The following COLEC11 variants were observed in gnomAD, a reference collection of about 807,000 sequenced individuals.
The protein encoded by COLEC11 is collectin subfamily member 11, also known as collectin-11.
COLEC11 carries 20 observed loss-of-function variants against 27.3 expected under a neutral mutation model. That is an observed-to-expected ratio of 0.73 (90% CI 0.51 to 1.06). The LOEUF is 1.06. Among genes scored for constraint, COLEC11 ranks in the 50% least tolerant of loss-of-function variants. The probability of loss-of-function intolerance (pLI) is 0.00; values close to 1 mark genes in which losing one functional copy is unlikely to be tolerated. For synonymous variants in COLEC11, 163 were observed against 154.7 expected, an observed-to-expected ratio of 1.05 and a Z score of -0.40; for missense variants, 310 against 383.0, an observed-to-expected ratio of 0.81 and a Z score of 1.59.
intron 1 of COLEC11, among the ~76,000 whole-genome samples, chr2:3,600,300 G>A (rs10183939): frequency 0.81 from 122,295 of 151,394 alleles, 51,072 homozygotes; most frequent in African/African-American, 0.96. Context: ...CACACCTGTA[G>A]TCCCAGCAGC....
chr2:3,619,490 G>T (rs567798773), intron 3 of COLEC11, among the ~76,000 whole-genome samples: 1 of 152,158 alleles, frequency 6.6e-6, no homozygotes, highest in African/African-American at 2.4e-5. Flanking sequence ...ACAACACTGA[G>T]TTTTGTCAAA....
In COLEC11 at chr2:3,619,682, A is replaced by G. The variant is rs943544724; in HGVS notation, c.202+6300A>G. 5.9e-5 allele frequency among the ~76,000 whole-genome samples: 9 copies of G among 152,218 alleles called. No homozygotes were observed. In the South Asian group the frequency reaches 1.2e-3, roughly 21 times the overall value. ...GCTCTGTTGCCCAGGCTGGAGTGCA[A>G]TGGCATGATCTCGGCTCACTGCAAC... On this transcript the variant is annotated intron_variant, in intron 3 of 6. Transcript: ENST00000349077.
At position 3,644,037 on chromosome 2, in the gene COLEC11, G is replaced by A. The variant is rs1277177205; in HGVS notation, c.735G>A (p.Met245Ile). 1 of 1,613,838 alleles carries A rather than the reference G, an allele frequency of 6.2e-7. No individual in the cohort carries two copies. The highest frequency in any genetic ancestry group is 1.7e-5 in the Admixed American group (1 of 60,036). The change falls in exon 7 of 7, where the codon ATG (methionine) becomes ATA (isoleucine). Residue 245 changes from methionine to isoleucine, a missense_variant. Transcript: ENST00000349077. Reference protein sequence around the residue: ...NAYDEEDCVEMVASGGWNDVA... With the variant: ...NAYDEEDCVEIVASGGWNDVA... ...ACGACGAGGAGGACTGCGTGGAGAT[G>A]GTGGCCTCGGGCGGCTGGAACGACG...
At chr2:3,609,905 C>A (rs1302185015) in intron 2 of COLEC11, among the ~76,000 whole-genome samples, 3 of 152,232 alleles carry the variant, frequency 2.0e-5, no homozygotes, top group Non-Finnish European at 4.4e-5. Context: ...TTTAAATGAT[C>A]CTCCTGCCTT....
At chr2:3,598,988 C>G (rs951386259) in intron 1 of COLEC11, among the ~76,000 whole-genome samples, 2 of 152,110 alleles carry the variant, frequency 1.3e-5, no homozygotes, top group Non-Finnish European at 2.9e-5. Context: ...TCCCTTACAT[C>G]GTGACTGAAG....
At chr2:3,595,795 G>A (rs1661800480) in intron 1 of COLEC11, among the ~76,000 whole-genome samples, 1 of 152,186 alleles carries the variant, frequency 6.6e-6, no homozygotes. Context: ...TGGATGCCTT[G>A]CGCTAGGAAC....
intron 3 of COLEC11, among the ~76,000 whole-genome samples, chr2:3,613,775 C>T (rs539852843): frequency 2.0e-5 from 3 of 152,266 alleles, no homozygotes; most frequent in South Asian, 4.2e-4. Context: ...TCTCCTCCTT[C>T]GTAAAGTCGT....
At chr2:3,618,937 G>T (rs1663979148) in intron 3 of COLEC11, among the ~76,000 whole-genome samples, 1 of 152,152 alleles carries the variant, frequency 6.6e-6, no homozygotes, top group Non-Finnish European at 1.5e-5. Flanking sequence ...CAGTCAAGGA[G>T]ATTGTTTCCT....
intron 5 of COLEC11, among the ~76,000 whole-genome samples, chr2:3,643,228 T>G (rs1190578298): frequency 6.6e-6 from 1 of 152,200 alleles, no homozygotes; most frequent in African/African-American, 2.4e-5. Flanking sequence ...CTGGAGAGGT[T>G]TGAAATACAT....
chr2:3,614,143 T>TGG (rs34320034), intron 3 of COLEC11, among the ~76,000 whole-genome samples: 211 of 151,000 alleles, frequency 1.4e-3, no homozygotes, highest in African/African-American at 4.9e-3. Context: ...AATTTTTTTT[T>TGG]GGGGGGTATT....
At chr2:3,641,330 A>G (rs1284984904) in intron 5 of COLEC11, 1 of 1,302,994 alleles carries the variant, frequency 7.7e-7, no homozygotes, top group Non-Finnish European at 1.0e-6. Flanking sequence ...CGCTGAGATC[A>G]GTGTCACTGA....
intron 3 of COLEC11, among the ~76,000 whole-genome samples, chr2:3,618,566 C>G (rs924460509): frequency 2.0e-5 from 3 of 152,168 alleles, no homozygotes; most frequent in African/African-American, 7.2e-5. Flanking sequence ...AGCAAGTATA[C>G]TGGTTTGATT....
rs1292453934 is a variant in COLEC11, at chr2:3,595,123, G to T, written c.-72G>T. On this transcript the variant is annotated 5_prime_UTR_variant, in exon 1 of 7. Coordinates refer to ENST00000349077, the MANE Select transcript of COLEC11 (RefSeq NM_024027.5). ...AGGCGCCTGGGGGCAGTGTCCTCGC[G>T]GGCCAGCGACGGGCAGGACGCCCCG... 1 of 367,458 alleles carries T rather than the reference G, an allele frequency of 2.7e-6. No homozygotes were observed. The highest frequency in any genetic ancestry group is 5.5e-6 in the Non-Finnish European group (1 of 181,102). 22.8% of individuals were successfully genotyped at this position (367,458 alleles called of 1,614,324 possible).
chr2:3,643,649 C>T (rs1005850867), intron 6 of COLEC11, 78 bp from the exon 7 acceptor site: 3 of 1,606,398 alleles, frequency 1.9e-6, no homozygotes, highest in Non-Finnish European at 2.6e-6. Context: ...CCCTGCCGGC[C>T]CCTGCTGCCT....
At position 3,604,422 on chromosome 2, in the gene COLEC11, G is replaced by A. The variant is rs760454180; in HGVS notation, c.82G>A (p.Ala28Thr). Residue 28 changes from alanine to threonine, a missense_variant, in exon 2 of 7, where the codon GCT becomes ACT. Coordinates refer to ENST00000349077, the MANE Select transcript of COLEC11 (RefSeq NM_024027.5). ...SLLPSGHPQP[A>T]GDDACSVQIL... ...GCTGCCATCTGGACATCCTCAGCCGGCTGGCGATGACGCCTGCTCTGTGCA... is the reference window on the plus strand; with the variant it reads ...GCTGCCATCTGGACATCCTCAGCCGACTGGCGATGACGCCTGCTCTGTGCA... 105 of 1,614,086 alleles carry A rather than the reference G, an allele frequency of 6.5e-5. 2 individuals are homozygous for A. The East Asian group carries it at 2.3e-3, about 35-fold the overall frequency.
At chr2:3,616,745 T>C (rs537058386) in intron 3 of COLEC11, among the ~76,000 whole-genome samples, 3,594 of 150,762 alleles carry the variant, frequency 0.024, 152 homozygotes, top group African/African-American at 0.081. Context: ...AAGAGGGAGA[T>C]CGTGGAAAGA....
Position 3,639,448 on chromosome 2 carries a change from C to T in COLEC11, c.275-830C>T, listed in dbSNP as rs377450886. ...AGCTGTGCTTTCATTTCCAAGCTCC[C>T]GATGCTGATAAAGGAACACAGAGGA... On this transcript the variant is annotated intron_variant, in intron 4 of 6. Transcript: ENST00000349077. Among the ~76,000 whole-genome samples the T allele has an allele frequency of 5.9e-5, 9 of 152,278 alleles. No individual in the cohort carries two copies. In the East Asian group the frequency reaches 1.3e-3, roughly 23 times the overall value.
At chr2:3,598,490 G>T (rs1276657983) in intron 1 of COLEC11, among the ~76,000 whole-genome samples, 4 of 152,230 alleles carry the variant, frequency 2.6e-5, no homozygotes, top group Non-Finnish European at 5.9e-5. Flanking sequence ...GCTTCTGCGT[G>T]CCCAGAGACC....
At chr2:3,626,394 C>G (rs1052647787) in intron 3 of COLEC11, among the ~76,000 whole-genome samples, 8 of 152,170 alleles carry the variant, frequency 5.3e-5, no homozygotes, top group Admixed American at 3.9e-4. Context: ...TTCGTCTTCC[C>G]AAGCCCCCTT....
Sources: allele counts gnomAD v4.1 joint callset (sites outside exome capture counted in the v4.1 genomes callset), GRCh38; gene constraint gnomAD v4.1.1; transcripts MANE v1.5; gene names NCBI Gene and HGNC (gene_info 2026-07-23, HGNC 2026-07-21).